The following PSMA8 variants were observed in gnomAD, a reference collection of about 807,000 sequenced individuals.
PSMA8 encodes proteasome subunit alpha-type 8.
In PSMA8, 18 loss-of-function variants were observed where a neutral mutation model predicts 32.4. That is an observed-to-expected ratio of 0.56 (90% CI 0.38 to 0.82). The LOEUF is 0.82. Ranked by LOEUF, PSMA8 falls within the 40% of genes least tolerant of loss-of-function variation. The probability of loss-of-function intolerance (pLI) is 0.00; values close to 1 mark genes in which losing one functional copy is unlikely to be tolerated. For synonymous variants in PSMA8, 104 were observed against 98.1 expected (o/e 1.06, Z -0.36); for missense variants, 298 against 300.7 (o/e 0.99, Z 0.07).
intron 6 of PSMA8, among the ~76,000 whole-genome samples, chr18:26,186,967 T>C (rs764300467): frequency 6.6e-6 from 1 of 152,220 alleles, no homozygotes; most frequent in Non-Finnish European, 1.5e-5. Flanking sequence ...GGAAGTTAGA[T>C]ATAAACACCT....
chr18:26,133,892 G>T lies in PSMA8; in HGVS notation c.-74G>T, dbSNP rs1250086815. On this transcript the variant is annotated 5_prime_UTR_variant, in exon 1 of 7. Coordinates refer to ENST00000415576, the MANE Select transcript of PSMA8 (RefSeq NM_001025096.2). ...GCGCTTCCGGGCGGTAGCACGCTGT[G>T]TTGGCGGCGGCTCCCCGCTTGCCTC... is the stretch of plus-strand genomic sequence containing the variant. 2 of 1,319,586 alleles carry T rather than the reference G, an allele frequency of 1.5e-6. No individual in the cohort carries two copies. The highest frequency in any genetic ancestry group is 2.3e-5 in the East Asian group (1 of 43,008). The allele number at this position is 1,319,586 out of a possible 1,614,324, so 81.7% of individuals were successfully genotyped here. A position where few individuals can be genotyped will look rare whatever the true frequency, so the allele number is the denominator to read the frequency against.
chr18:26,184,740 C>G (rs2055339060), intron 6 of PSMA8, among the ~76,000 whole-genome samples: 1 of 144,380 alleles, frequency 6.9e-6, no homozygotes, highest in Non-Finnish European at 1.5e-5. Context: ...CGCCACTGCA[C>G]TCCAGCATAG....
At position 26,158,177 on chromosome 18, in the gene PSMA8, GT is replaced by G; in HGVS notation, c.414del (p.Phe138LeufsTer26). On this transcript the variant is annotated frameshift_variant, in exon 4 of 7. Transcript: ENST00000415576. LOFTEE classifies it high-confidence loss of function. ...RPFGISALIV[G>X]FDDDGISRLY... ...TTTGGTATTTCTGCCTTAATTGTAG[GT>G]TTTGATGATGATGGTATCTCAAGAT... 6.2e-7 allele frequency: 1 copy of G among 1,607,288 alleles called. No individual in the cohort carries two copies. The highest frequency in any genetic ancestry group is 8.5e-7 in the Non-Finnish European group (1 of 1,174,476).
At chr18:26,177,301 A>G (rs1369786387) in intron 4 of PSMA8, among the ~76,000 whole-genome samples, 1 of 152,184 alleles carries the variant, frequency 6.6e-6, no homozygotes, top group Non-Finnish European at 1.5e-5. Context: ...GGAGGCAGCT[A>G]AAAATCCCAC....
chr18:26,140,544 A>C (rs1342343626), intron 1 of PSMA8, among the ~76,000 whole-genome samples: 1 of 152,218 alleles, frequency 6.6e-6, no homozygotes, highest in African/African-American at 2.4e-5. Flanking sequence ...CACACATAGT[A>C]GTACAAATTG....
intron 4 of PSMA8, among the ~76,000 whole-genome samples, chr18:26,171,800 A>T (rs2055224136): frequency 6.6e-6 from 1 of 152,188 alleles, no homozygotes; most frequent in African/African-American, 2.4e-5. Context: ...TACACTACTT[A>T]CATACTAATA....
chr18:26,154,357 T>C (rs2055069928), intron 3 of PSMA8, among the ~76,000 whole-genome samples: 1 of 152,244 alleles, frequency 6.6e-6, no homozygotes, highest in Non-Finnish European at 1.5e-5. Flanking sequence ...ATTACATTAT[T>C]CTACTTATTT....
At chr18:26,179,600 T>C (rs1314825982) in intron 6 of PSMA8, among the ~76,000 whole-genome samples, 1 of 152,200 alleles carries the variant, frequency 6.6e-6, no homozygotes, top group East Asian at 1.9e-4. Flanking sequence ...TTAAAACTGC[T>C]GGACTACAAA....
intron 1 of PSMA8, among the ~76,000 whole-genome samples, chr18:26,134,822 C>T (rs575539127): frequency 6.6e-6 from 1 of 152,112 alleles, no homozygotes; most frequent in African/African-American, 2.4e-5. Context: ...GGCGTGGTGG[C>T]GCATGCCTGT....
intron 3 of PSMA8, 122 bp downstream of exon 3, chr18:26,152,104 T>C (rs1209256817): frequency 5.1e-6 from 3 of 585,760 alleles, no homozygotes; most frequent in Non-Finnish European, 7.6e-6. Flanking sequence ...AATTTCTTAT[T>C]TCTCACACTT....
chr18:26,182,608 C>T (rs2144351565), intron 6 of PSMA8, among the ~76,000 whole-genome samples: 1 of 152,362 alleles, frequency 6.6e-6, no homozygotes, highest in Admixed American at 6.5e-5. Context: ...GTTTTCGTGC[C>T]TGCTAACACA....
At chr18:26,180,119 G>T (rs924959960) in intron 6 of PSMA8, among the ~76,000 whole-genome samples, 2 of 151,964 alleles carry the variant, frequency 1.3e-5, no homozygotes, top group African/African-American at 4.8e-5. Flanking sequence ...TGGGCGTGGT[G>T]GCAGACGCCT....
chr18:26,175,602 C>CAT (rs2055257805), intron 4 of PSMA8, among the ~76,000 whole-genome samples: 1 of 152,166 alleles, frequency 6.6e-6, no homozygotes. Flanking sequence ...GGCTGTCTGC[C>CAT]ATTACCACTT....
intron 4 of PSMA8, among the ~76,000 whole-genome samples, chr18:26,173,559 C>CT (rs200356088): frequency 0.054 from 7,825 of 143,862 alleles, 353 homozygotes; most frequent in East Asian, 0.15. Flanking sequence ...TTTTTGTCTA[C>CT]TTTTTTTTTT....
chr18:26,179,389 C>T (rs1455335348), intron 6 of PSMA8, among the ~76,000 whole-genome samples: 2 of 151,862 alleles, frequency 1.3e-5, no homozygotes, highest in Non-Finnish European at 2.9e-5. Context: ...CCGCCTTGGC[C>T]TCCAGTGCTG....
chr18:26,162,744 T>C (rs919299395), intron 4 of PSMA8, among the ~76,000 whole-genome samples: 1 of 152,036 alleles, frequency 6.6e-6, no homozygotes, highest in Non-Finnish European at 1.5e-5. Context: ...CAGGCACCTG[T>C]AGTCCCAGCT....
intron 3 of PSMA8, among the ~76,000 whole-genome samples, chr18:26,155,467 G>A (rs922922582): frequency 4.6e-5 from 7 of 152,124 alleles, no homozygotes; most frequent in South Asian, 2.1e-4. Context: ...CACATAGGCC[G>A]ATGGAACAGA....
intron 3 of PSMA8, among the ~76,000 whole-genome samples, chr18:26,157,468 G>C (rs2055099323): frequency 6.6e-6 from 1 of 151,944 alleles, no homozygotes; most frequent in Non-Finnish European, 1.5e-5. Flanking sequence ...ACGAGTCTCA[G>C]TGTGAATTCT....
rs146405084 is a variant in PSMA8 at position 26,154,393 on chromosome 18, TAA to T, written c.354+2415_354+2416del. 3.4e-3 allele frequency among the ~76,000 whole-genome samples: 524 copies of T among 152,350 alleles called. 3 individuals carry two copies. Among genetic ancestry groups the T allele is most frequent in the African/African-American group, 0.012 (501 of 41,576 alleles). On this transcript the variant is annotated intron_variant, in intron 3 of 6. Coordinates refer to ENST00000415576, the MANE Select transcript of PSMA8 (RefSeq NM_001025096.2). ...TATTTGCTTCGATTTTCCTAATCAT[TAA>T]AAACACATTCACCAAATACAAGGAA... is the stretch of plus-strand genomic sequence containing the variant.
Sources: allele counts gnomAD v4.1 joint callset (sites outside exome capture counted in the v4.1 genomes callset), GRCh38; gene constraint gnomAD v4.1.1; transcripts MANE v1.5; gene names NCBI Gene and HGNC (gene_info 2026-07-23, HGNC 2026-07-21).